The following KCNMA1 variants were observed in gnomAD, a reference collection of about 807,000 sequenced individuals.
KCNMA1 encodes potassium calcium-activated channel subfamily M alpha 1.
A neutral mutation model predicts 140.0 loss-of-function variants in KCNMA1; 29 were observed. The observed-to-expected ratio is 0.21, with a 90% CI of 0.15 to 0.28. The LOEUF (loss-of-function observed/expected upper bound fraction) is 0.28, where lower values mean the gene tolerates loss of function less well. Ranked by LOEUF, KCNMA1 falls within the 10% of genes least tolerant of loss-of-function variation. The pLI, the probability that KCNMA1 is intolerant of heterozygous loss-of-function variation, is 1.00. For synonymous variants in KCNMA1, 612 were observed against 611.9 expected (o/e 1.00, Z 0.00); for missense variants, 880 against 1,602.2 (o/e 0.55, Z 7.70).
At chr10:77,479,780 C>T (rs1023854427) in intron 1 of KCNMA1, among the ~76,000 whole-genome samples, 1 of 152,184 alleles carries the variant, frequency 6.6e-6, no homozygotes, top group Non-Finnish European at 1.5e-5. Flanking sequence ...AAGATGCTGC[C>T]TGGTGACATT....
rs761537725 is a variant in KCNMA1 at position 77,184,921 on chromosome 10, TAGAC to T, written c.603-9_603-6del. ...TTCTGGCAGGATTCTATTGGGCTAT[TAGAC>T]AGGAAGAAGAAAAAGCAAGAGGTAA... On this transcript the variant is annotated splice_region_variant and splice_polypyrimidine_tract_variant and intron_variant, in intron 3 of 27. Transcript: ENST00000286628. 39 of 1,571,902 alleles carry T rather than the reference TAGAC, an allele frequency of 2.5e-5. No homozygotes were observed. Among genetic ancestry groups the T allele is most frequent in the Non-Finnish European group, 3.4e-5 (39 of 1,141,902 alleles).
intron 2 of KCNMA1, among the ~76,000 whole-genome samples, chr10:77,287,193 A>G (rs1412020402): frequency 6.6e-6 from 1 of 152,216 alleles, no homozygotes; most frequent in Non-Finnish European, 1.5e-5. Flanking sequence ...ATGCAAAGAC[A>G]ACACTTGGAG....
chr10:77,183,367 C>A (rs1013732487), intron 5 of KCNMA1, 54 bp downstream of exon 5: 3 of 1,215,786 alleles, frequency 2.5e-6, no homozygotes, highest in African/African-American at 3.0e-5. Context: ...CAAATTCTGT[C>A]CTTCAGCCAT....
intron 17 of KCNMA1, among the ~76,000 whole-genome samples, chr10:77,013,100 G>A (rs4980121): frequency 1.3e-5 from 2 of 152,300 alleles, no homozygotes; most frequent in East Asian, 3.9e-4. Context: ...TTCTTGACCA[G>A]GGCTGCAGAA....
chr10:77,008,959 GT>G (rs2089999021), intron 18 of KCNMA1, among the ~76,000 whole-genome samples: 1 of 152,190 alleles, frequency 6.6e-6, no homozygotes, highest in East Asian at 1.9e-4. Flanking sequence ...ACATGGGGAG[GT>G]TTATTTTTAA....
chr10:77,488,962 C>T (rs552574260), intron 1 of KCNMA1, among the ~76,000 whole-genome samples: 1 of 152,292 alleles, frequency 6.6e-6, no homozygotes, highest in South Asian at 2.1e-4. Context: ...CCGGCTCTTC[C>T]CAGGCACCCA....
chr10:77,471,095 C>T (rs2098138056), intron 1 of KCNMA1, among the ~76,000 whole-genome samples: 1 of 151,432 alleles, frequency 6.6e-6, no homozygotes, highest in Non-Finnish European at 1.5e-5. Flanking sequence ...ATACAACACA[C>T]AATACACACC....
chr10:77,480,850 C>G (rs1031334022), intron 1 of KCNMA1, among the ~76,000 whole-genome samples: 1 of 152,030 alleles, frequency 6.6e-6, no homozygotes, highest in Non-Finnish European at 1.5e-5. Flanking sequence ...TGGCTCACAC[C>G]TGTAATCCCA....
chr10:77,153,984 T>C (rs932077388), intron 5 of KCNMA1, among the ~76,000 whole-genome samples: 3 of 152,168 alleles, frequency 2.0e-5, no homozygotes, highest in African/African-American at 4.8e-5. Context: ...TGTGTCCCCA[T>C]CCAAAATCTC....
At chr10:77,333,086 C>G (rs1026223338) in intron 2 of KCNMA1, among the ~76,000 whole-genome samples, 1 of 152,128 alleles carries the variant, frequency 6.6e-6, no homozygotes, top group African/African-American at 2.4e-5. Context: ...ATGGCCTCAT[C>G]TGGTCAAGGA....
chr10:77,332,886 CA>C lies in KCNMA1; in HGVS notation c.540+70975del, dbSNP rs1039702265. ...ATTTAGCAGTATCTATACTCTAACA[CA>C]CACATACATGCACCTGTGTGTTAAT... On this transcript the variant is annotated intron_variant, in intron 2 of 27. Coordinates refer to ENST00000286628, the MANE Select transcript of KCNMA1 (RefSeq NM_001161352.2). Among the ~76,000 whole-genome samples, 6 of 152,352 alleles carry C rather than the reference CA, an allele frequency of 3.9e-5. No individual in the cohort carries two copies. In the East Asian group the frequency reaches 1.2e-3, roughly 29 times the overall value.
At chr10:77,166,286 T>C (rs1168121553) in intron 5 of KCNMA1, among the ~76,000 whole-genome samples, 1 of 152,232 alleles carries the variant, frequency 6.6e-6, no homozygotes, top group Non-Finnish European at 1.5e-5. Context: ...ATTCGAGTTA[T>C]AGTATTTTAC....
intron 2 of KCNMA1, among the ~76,000 whole-genome samples, chr10:77,285,450 A>T (rs2070454839): frequency 6.6e-6 from 1 of 152,356 alleles, no homozygotes; most frequent in South Asian, 2.1e-4. Flanking sequence ...TTTCAAGAAC[A>T]TGCATCTATT....
chr10:77,478,303 C>T (rs1040846760), intron 1 of KCNMA1, among the ~76,000 whole-genome samples: 3 of 152,172 alleles, frequency 2.0e-5, no homozygotes, highest in Admixed American at 6.5e-5. Flanking sequence ...CAGTCAACCC[C>T]TGAACTACTT....
At chr10:77,344,698 C>G (rs930175397) in intron 2 of KCNMA1, among the ~76,000 whole-genome samples, 1 of 152,048 alleles carries the variant, frequency 6.6e-6, no homozygotes, top group Non-Finnish European at 1.5e-5. Flanking sequence ...ATCATTGGAC[C>G]TCACCCGTAG....
At chr10:77,188,928 G>A (rs1850287) in intron 3 of KCNMA1, among the ~76,000 whole-genome samples, 2 of 151,804 alleles carry the variant, frequency 1.3e-5, no homozygotes, top group African/African-American at 2.4e-5. Context: ...AGGATCACCC[G>A]CTCCTCACAG....
At chr10:77,073,398 G>C in intron 13 of KCNMA1, 146 bp from the exon 14 acceptor site, 1 of 815,516 alleles carries the variant, frequency 1.2e-6, no homozygotes, top group East Asian at 2.7e-5. Flanking sequence ...GATGTTTGCT[G>C]TTTTATGCAA....
intron 13 of KCNMA1, among the ~76,000 whole-genome samples, chr10:77,076,597 G>T (rs891401261): frequency 6.6e-6 from 1 of 152,218 alleles, no homozygotes; most frequent in African/African-American, 2.4e-5. Flanking sequence ...TGGTGGCCAT[G>T]ATTTGTGCCC....
chr10:77,375,952 G>A (rs2095072822), intron 2 of KCNMA1, among the ~76,000 whole-genome samples: 1 of 152,136 alleles, frequency 6.6e-6, no homozygotes, highest in South Asian at 2.1e-4. Flanking sequence ...TCCTCCCGTG[G>A]GTATGAGCCT....
Sources: gnomAD v4.1 joint callset for allele counts (sites outside exome capture counted in the v4.1 genomes callset) on GRCh38, gnomAD v4.1.1 for gene constraint, MANE v1.5 for transcripts, NCBI Gene and HGNC (gene_info 2026-07-23, HGNC 2026-07-21) for gene names.